Variants in CNTNAP2 observed in about 807,000 individuals in gnomAD.
CNTNAP2 encodes the protein contactin associated protein 2.
In CNTNAP2, 98 loss-of-function variants were observed where a neutral mutation model predicts 155.2. The observed-to-expected ratio is 0.63, with a 90% confidence interval of 0.54 to 0.75. The LOEUF is 0.75. Among genes scored for constraint, CNTNAP2 ranks in the 30% least tolerant of loss-of-function variants. The pLI is 0.00. For missense variants in CNTNAP2, 1,727 were observed against 1,688.1 expected (o/e 1.02, Z -0.40); for synonymous variants, 651 against 631.2 (o/e 1.03, Z -0.47).
In CNTNAP2 at chr7:147,589,508, C is replaced by A. The variant is rs188294043; in HGVS notation, c.1897+27251C>A. Among the ~76,000 whole-genome samples, 22 of 152,220 alleles carry A rather than the reference C, an allele frequency of 1.4e-4. No individual in the cohort carries two copies. The East Asian group carries it at 3.7e-3, about 25-fold the overall frequency. ...TTTGCTACCTAGAAGTAACCAGCAA[C>A]CTGAATCCTGCATTTTCTTGATGTA... On this transcript the variant is annotated intron_variant, in intron 12 of 23. Transcript: ENST00000361727.
intron 8 of CNTNAP2, among the ~76,000 whole-genome samples, chr7:147,162,537 T>C (rs1283855711): frequency 2.0e-5 from 3 of 152,188 alleles, no homozygotes; most frequent in Non-Finnish European, 2.9e-5. Flanking sequence ...CTAATTATGC[T>C]GAAAATATTT....
intron 3 of CNTNAP2, among the ~76,000 whole-genome samples, chr7:147,029,019 A>C (rs1005145798): frequency 7.5e-5 from 10 of 133,512 alleles, no homozygotes; most frequent in Non-Finnish European, 1.1e-4. Context: ...GCTGGAGGGC[A>C]GTGGTGCGAT....
intron 10 of CNTNAP2, among the ~76,000 whole-genome samples, chr7:147,464,361 GGAGGCT>G (rs1351243130): frequency 5.3e-5 from 8 of 151,854 alleles, no homozygotes; most frequent in Admixed American, 2.6e-4. Context: ...CAGCTACACG[GGAGGCT>G]GAGGCAGGAG....
chr7:147,627,256 A>G (rs1794997912), intron 12 of CNTNAP2, among the ~76,000 whole-genome samples: 1 of 152,214 alleles, frequency 6.6e-6, no homozygotes, highest in African/African-American at 2.4e-5. Flanking sequence ...TAACAAAACA[A>G]GGTTCTATAG....
intron 1 of CNTNAP2, among the ~76,000 whole-genome samples, chr7:146,345,315 G>A (rs1293808989): frequency 2.0e-5 from 3 of 152,090 alleles, no homozygotes; most frequent in Middle Eastern, 3.2e-3. Context: ...TTTGAGAGTC[G>A]AGGTGAAAGG....
chr7:147,683,208 C>T (rs1389278386), intron 13 of CNTNAP2, among the ~76,000 whole-genome samples: 2 of 151,656 alleles, frequency 1.3e-5, no homozygotes, highest in Non-Finnish European at 2.9e-5. Context: ...TGTATTTGTC[C>T]AACATTCCCA....
intron 1 of CNTNAP2, among the ~76,000 whole-genome samples, chr7:146,519,406 T>C (rs894540621): frequency 6.6e-6 from 1 of 151,844 alleles, no homozygotes; most frequent in Non-Finnish European, 1.5e-5. Context: ...TAATCTTTGG[T>C]TCTACATTTC....
chr7:147,511,479 G>A (rs1168893007), intron 11 of CNTNAP2, among the ~76,000 whole-genome samples: 3 of 127,996 alleles, frequency 2.3e-5, no homozygotes. Flanking sequence ...TTTGCATTTT[G>A]CAATAAAGCT....
At chr7:146,624,181 CT>C (rs200972574) in intron 1 of CNTNAP2, among the ~76,000 whole-genome samples, 4,483 of 151,958 alleles carry the variant, frequency 0.03, 237 homozygotes, top group African/African-American at 0.1. Context: ...TAGAATATGT[CT>C]TGCAAATATT....
At chr7:147,052,059 C>A (rs907022053) in intron 4 of CNTNAP2, among the ~76,000 whole-genome samples, 7 of 152,050 alleles carry the variant, frequency 4.6e-5, no homozygotes, top group Non-Finnish European at 1.0e-4. Flanking sequence ...CTTTCTCTAA[C>A]CAAAATAGCC....
intron 15 of CNTNAP2, among the ~76,000 whole-genome samples, chr7:148,011,573 T>C (rs1374096973): frequency 2.0e-5 from 3 of 152,252 alleles, no homozygotes; most frequent in African/African-American, 7.2e-5. Flanking sequence ...GTTATCTTTC[T>C]GCTTATCCCT....
chr7:146,839,675 T>C (rs768882704), intron 2 of CNTNAP2, 36 bp from the exon 3 acceptor site: 2 of 1,609,282 alleles, frequency 1.2e-6, no homozygotes, highest in Non-Finnish European at 1.7e-6. Context: ...CAAATTTAAA[T>C]ATTCATTTTC....
chr7:146,855,088 C>A (rs1289983257), intron 3 of CNTNAP2, among the ~76,000 whole-genome samples: 1 of 151,906 alleles, frequency 6.6e-6, no homozygotes, highest in African/African-American at 2.4e-5. Context: ...TACATGCATA[C>A]AAATGTAAAA....
intron 14 of CNTNAP2, among the ~76,000 whole-genome samples, chr7:147,944,166 T>G (rs371485927): frequency 1.3e-5 from 2 of 152,352 alleles, no homozygotes; most frequent in African/African-American, 4.8e-5. Context: ...TACTGGTGTC[T>G]CATTTTTTAT....
At chr7:146,444,998 A>G (rs1324281091) in intron 1 of CNTNAP2, among the ~76,000 whole-genome samples, 1 of 151,802 alleles carries the variant, frequency 6.6e-6, no homozygotes, top group African/African-American at 2.4e-5. Flanking sequence ...AAGTGTGTTC[A>G]CCTAAGTGGT....
intron 13 of CNTNAP2, among the ~76,000 whole-genome samples, chr7:147,812,049 G>A (rs1798187867): frequency 6.6e-6 from 1 of 152,162 alleles, no homozygotes; most frequent in African/African-American, 2.4e-5. Flanking sequence ...TGTGAGGATG[G>A]CTTATAATTT....
At chr7:147,260,079 T>G (rs1349241816) in intron 8 of CNTNAP2, among the ~76,000 whole-genome samples, 1 of 152,182 alleles carries the variant, frequency 6.6e-6, no homozygotes, top group Non-Finnish European at 1.5e-5. Flanking sequence ...AGAAAATGTT[T>G]TTCCGCGGAA....
In CNTNAP2 at chr7:147,824,723, A is replaced by C. The variant is rs918208354; in HGVS notation, c.2099-78842A>C. On this transcript the variant is annotated intron_variant, in intron 13 of 23. Transcript: ENST00000361727. ...ATATCACCCAAAAAAACCCTCTTTT[A>C]CCAGCTTCCTTTTTTTTTCTTTAAT... Among the ~76,000 whole-genome samples, 5 of 140,424 alleles carry C rather than the reference A, an allele frequency of 3.6e-5. No homozygotes were observed. In the East Asian group the frequency reaches 8.2e-4, roughly 23 times the overall value. The allele number at this position is 140,424 out of a possible 152,430, so 92.1% of individuals were successfully genotyped here. A position where few individuals can be genotyped will look rare whatever the true frequency, so the allele number is the denominator to read the frequency against.
chr7:146,791,735 T>A (rs968235887), intron 2 of CNTNAP2, among the ~76,000 whole-genome samples: 7 of 152,230 alleles, frequency 4.6e-5, no homozygotes, highest in South Asian at 2.1e-4. Flanking sequence ...TGGCAAGGAT[T>A]CACTAAGGAG....
Sources: allele counts gnomAD v4.1 joint callset (sites outside exome capture counted in the v4.1 genomes callset), GRCh38; gene constraint gnomAD v4.1.1; transcripts MANE v1.5; gene names NCBI Gene and HGNC (gene_info 2026-07-23, HGNC 2026-07-21).